DIP2C: variants seen among roughly 807,000 people sequenced by gnomAD.
DIP2C encodes DIP2 acetate--CoA ligase C (putative).
A neutral mutation model predicts 192.4 loss-of-function variants in DIP2C; 33 were observed. That is an observed-to-expected ratio of 0.17 (90% confidence interval 0.13 to 0.23). The LOEUF is 0.23. Among genes scored for constraint, DIP2C ranks in the 10% least tolerant of loss-of-function variants. The probability of loss-of-function intolerance (pLI) is 1.00; values close to 1 mark genes in which losing one functional copy is unlikely to be tolerated. For missense variants in DIP2C, 1,537 were observed against 2,110.1 expected, an observed-to-expected ratio of 0.73 and a Z score of 5.32; for synonymous variants, 979 against 864.1, an observed-to-expected ratio of 1.13 and a Z score of -2.33.
At position 651,695 on chromosome 10, in the gene DIP2C, A is replaced by G. The variant is rs531361170; in HGVS notation, c.85+37799T>C. ...AAATTTTCCGTATCCCAAAATCTGGACTTTTGCTAAATGGTGCCCTTAGCA... is the reference window on the plus strand; with the variant it reads ...AAATTTTCCGTATCCCAAAATCTGGGCTTTTGCTAAATGGTGCCCTTAGCA... On this transcript the variant is annotated intron_variant, in intron 1 of 36. Coordinates refer to ENST00000280886, the MANE Select transcript of DIP2C (RefSeq NM_014974.3). This position sits in a 1 kb window ranked among gnomAD's most constrained non-coding sequence, Gnocchi z 4.1. 1 of 348,780 alleles carries G rather than the reference A, an allele frequency of 2.9e-6. No homozygotes were observed. Among genetic ancestry groups the G allele is most frequent in the Admixed American group, 4.1e-5 (1 of 24,524 alleles). 21.6% of individuals were successfully genotyped at this position (348,780 alleles called of 1,614,324 possible).
In DIP2C at chr10:542,884, G is replaced by A. The variant is rs186657776; in HGVS notation, c.86-56354C>T. On this transcript the variant is annotated intron_variant, in intron 1 of 36. Coordinates refer to ENST00000280886, the MANE Select transcript of DIP2C (RefSeq NM_014974.3). ...ATCAGATCCCAGTTCTTACGGGATT[G>A]GGGAGTGGGGGGTTCTGACCCTGCC... Among the ~76,000 whole-genome samples the A allele has an allele frequency of 5.3e-3, 813 of 152,096 alleles. 11 individuals are homozygous for A. The highest frequency in any genetic ancestry group is 7.0e-3 in the Non-Finnish European group (474 of 67,982).
intron 13 of DIP2C, among the ~76,000 whole-genome samples, chr10:388,929 T>C (rs1021025141): frequency 8.6e-5 from 12 of 140,258 alleles, no homozygotes; most frequent in African/African-American, 3.0e-4. Flanking sequence ...CCTTGGGGCA[T>C]CCTAAGGGAT....
At chr10:558,226 T>C (rs541600032) in intron 1 of DIP2C, among the ~76,000 whole-genome samples, 2 of 152,096 alleles carry the variant, frequency 1.3e-5, no homozygotes, top group Admixed American at 6.5e-5. Context: ...CCCAGTGAGG[T>C]AGGAATCCTT....
At chr10:291,830 GT>G (rs1481033446) in intron 32 of DIP2C, among the ~76,000 whole-genome samples, 2 of 152,242 alleles carry the variant, frequency 1.3e-5, no homozygotes, top group Admixed American at 6.5e-5. Context: ...AGGTTGTAAG[GT>G]TAACACCAAG....
Position 590,666 on chromosome 10 carries a change from C to G in DIP2C, c.85+98828G>C, listed in dbSNP as rs1016925919. ...GGCCATAGTCTGCTCCTACACAACACTATATCTCTACAAGTTAGACGGGTT... is the reference window on the plus strand; with the variant it reads ...GGCCATAGTCTGCTCCTACACAACAGTATATCTCTACAAGTTAGACGGGTT... On this transcript the variant is annotated intron_variant, in intron 1 of 36. Transcript: ENST00000280886. Among the ~76,000 whole-genome samples, 9 of 152,202 alleles carry G rather than the reference C, an allele frequency of 5.9e-5. No individual in the cohort carries two copies. The East Asian group carries it at 1.7e-3, about 29-fold the overall frequency.
In DIP2C at chr10:638,737, G is replaced by A. The variant is rs543965490; in HGVS notation, c.85+50757C>T. Among the ~76,000 whole-genome samples, 5 of 152,270 alleles carry A rather than the reference G, an allele frequency of 3.3e-5. No homozygotes were observed. The South Asian group carries it at 8.3e-4, about 25-fold the overall frequency. On this transcript the variant is annotated intron_variant, in intron 1 of 36. Transcript: ENST00000280886. ...TCCTGTTTCAGGTTTGCCAGCATTGGAGCAATCCTGGCATTTATTCACCCA... is the reference window on the plus strand; with the variant it reads ...TCCTGTTTCAGGTTTGCCAGCATTGAAGCAATCCTGGCATTTATTCACCCA...
At chr10:481,423 G>A (rs1361237302) in intron 2 of DIP2C, among the ~76,000 whole-genome samples, 1 of 152,148 alleles carries the variant, frequency 6.6e-6, no homozygotes, top group Admixed American at 6.5e-5. Flanking sequence ...ACAGGGCAAG[G>A]CAGCCACTGC....
rs181457382 is a variant in DIP2C, at chr10:477,653, T to C, written c.158-5104A>G. Reference sequence around the variant, plus strand: ...ATGGGTGGGAGGAAGAGAAGAAAAATAGATGAACAGGAAGTGGTGAATAGA... The same window carrying C: ...ATGGGTGGGAGGAAGAGAAGAAAAACAGATGAACAGGAAGTGGTGAATAGA... On this transcript the variant is annotated intron_variant, in intron 2 of 36. Coordinates refer to ENST00000280886, the MANE Select transcript of DIP2C (RefSeq NM_014974.3). Among the ~76,000 whole-genome samples, 624 of 124,880 alleles carry C rather than the reference T, an allele frequency of 5.0e-3. 10 individuals are homozygous for C. Among genetic ancestry groups the C allele is most frequent in the African/African-American group, 0.017 (581 of 33,692 alleles). The allele number at this position is 124,880 out of a possible 152,430, so 81.9% of individuals were successfully genotyped here. A position where few individuals can be genotyped will look rare whatever the true frequency, so the allele number is the denominator to read the frequency against.
chr10:372,689 C>T (rs1360392626), intron 17 of DIP2C, among the ~76,000 whole-genome samples: 2 of 149,162 alleles, frequency 1.3e-5, no homozygotes, highest in African/African-American at 2.6e-5. Context: ...CAGGAGGTCC[C>T]GACACACAGC....
chr10:391,760 T>G (rs1963473392), intron 10 of DIP2C, among the ~76,000 whole-genome samples: 1 of 152,122 alleles, frequency 6.6e-6, no homozygotes, highest in Non-Finnish European at 1.5e-5. Flanking sequence ...AACCCCTCAA[T>G]TATGGACCCT....
intron 3 of DIP2C, among the ~76,000 whole-genome samples, chr10:442,058 C>G (rs1025513177): frequency 6.6e-6 from 1 of 150,902 alleles, no homozygotes; most frequent in African/African-American, 2.4e-5. Flanking sequence ...CAAGAATCTT[C>G]GAGACACAGG....
rs755155831 is a variant in DIP2C, at chr10:422,972, G to A, written c.456C>T (p.Thr152=). ...SVQGDSQGTP[T]SSQGSINMEH... Reference sequence around the variant, plus strand: ...CCATATTGATGCTGCCCTGGCTGGAGGTGGGGGTGCCCTGGGAGTCCCCCT... The same window carrying A: ...CCATATTGATGCTGCCCTGGCTGGAAGTGGGGGTGCCCTGGGAGTCCCCCT... Residue 152 remains threonine (T), a synonymous_variant, in exon 5 of 37, where the codon ACC becomes ACT. Coordinates refer to ENST00000280886, the MANE Select transcript of DIP2C (RefSeq NM_014974.3). The A allele has an allele frequency of 6.2e-7, 1 of 1,614,178 alleles. No homozygotes were observed. The highest frequency in any genetic ancestry group is 8.5e-7 in the Non-Finnish European group (1 of 1,180,016).
intron 15 of DIP2C, 36 bp from the exon 16 acceptor site, chr10:384,182 A>G: frequency 6.3e-7 from 1 of 1,579,654 alleles, no homozygotes; most frequent in South Asian, 1.1e-5. Flanking sequence ...AACATGTGCC[A>G]CCGTCAGATC....
At chr10:484,854 G>A (rs747839828) in intron 2 of DIP2C, 42 of 1,611,512 alleles carry the variant, frequency 2.6e-5, no homozygotes, top group South Asian at 3.3e-5. Flanking sequence ...CTTCTCGGAC[G>A]TCGCACACCC....
intron 2 of DIP2C, among the ~76,000 whole-genome samples, chr10:485,623 G>A (rs1449503159): frequency 2.0e-5 from 3 of 152,220 alleles, no homozygotes; most frequent in South Asian, 4.1e-4. Flanking sequence ...GGACCCGGAC[G>A]GGCCTCGGGA....
chr10:580,609 A>G lies in DIP2C; in HGVS notation c.86-94079T>C, dbSNP rs571444218. 1.9e-3 allele frequency among the ~76,000 whole-genome samples: 295 copies of G among 152,370 alleles called. 1 individual carries two copies. Among genetic ancestry groups the G allele is most frequent in the Middle Eastern group, 0.01 (3 of 294 alleles). On this transcript the variant is annotated intron_variant, in intron 1 of 36. Coordinates refer to ENST00000280886, the MANE Select transcript of DIP2C (RefSeq NM_014974.3). ...ATACCTATACATTGTAAATACATGT[A>G]CAATGGCAATACATAGTACGCATAC...
intron 2 of DIP2C, chr10:484,714 T>C: frequency 6.5e-7 from 1 of 1,542,080 alleles, no homozygotes; most frequent in South Asian, 1.2e-5. Flanking sequence ...GGGATGGCAC[T>C]CGGCGGGTGG....
At chr10:336,439 G>C (rs577443986) in intron 29 of DIP2C, among the ~76,000 whole-genome samples, 2 of 152,300 alleles carry the variant, frequency 1.3e-5, no homozygotes, top group South Asian at 4.1e-4. Context: ...CTTCAGTTCT[G>C]TTTACACGAT....
chr10:469,050 T>TG (rs1970430668), intron 3 of DIP2C, among the ~76,000 whole-genome samples: 2 of 152,030 alleles, frequency 1.3e-5, no homozygotes, highest in Admixed American at 1.3e-4. Context: ...GGTGCAGAAT[T>TG]GGAGACCATC....
Sources: gnomAD v4.1 joint callset for allele counts (sites outside exome capture counted in the v4.1 genomes callset) on GRCh38, gnomAD v4.1.1 for gene constraint, Gnocchi (gnomAD v3.1) non-coding constraint, MANE v1.5 for transcripts, NCBI Gene and HGNC (gene_info 2026-07-23, HGNC 2026-07-21) for gene names.